Variants in WDFY3 observed in about 807,000 individuals in gnomAD.
WDFY3 encodes the protein WD repeat and FYVE domain containing 3.
Under a neutral mutation model 409.6 loss-of-function variants are expected in WDFY3, and 66 were observed. The observed-to-expected ratio is 0.16, with a 90% CI of 0.13 to 0.20. The LOEUF (loss-of-function observed/expected upper bound fraction) is 0.20. WDFY3 is among the 10% of genes least tolerant of loss of function. WDFY3 has a pLI of 1.00. For missense variants in WDFY3, 3,031 were observed against 4,298.1 expected, an observed-to-expected ratio of 0.71 and a Z score of 8.24; for synonymous variants, 1,521 against 1,537.1, an observed-to-expected ratio of 0.99 and a Z score of 0.25.
intron 1 of WDFY3, among the ~76,000 whole-genome samples, chr4:84,935,026 C>T (rs1413780802): frequency 1.3e-5 from 2 of 152,110 alleles, no homozygotes; most frequent in East Asian, 3.8e-4. Flanking sequence ...CTAAAACTCA[C>T]CCAACGTTGT....
chr4:84,785,898 T>C, intron 24 of WDFY3, 81 bp downstream of exon 24: 1 of 1,486,398 alleles, frequency 6.7e-7, no homozygotes, highest in Non-Finnish European at 9.2e-7. Context: ...TCACTCATAA[T>C]TGAGTAGTAT....
chr4:84,936,657 T>C (rs1291953034), intron 1 of WDFY3, among the ~76,000 whole-genome samples: 1 of 152,018 alleles, frequency 6.6e-6, no homozygotes, highest in Non-Finnish European at 1.5e-5. Context: ...AAATAAATTT[T>C]CAAAATTTTT....
intron 7 of WDFY3, among the ~76,000 whole-genome samples, chr4:84,834,885 T>C (rs762846187): frequency 6.6e-6 from 1 of 152,194 alleles, no homozygotes. Context: ...TTCGTGTCAA[T>C]TGGTTTCCTA....
Position 84,845,403 on chromosome 4 carries a change from T to C in WDFY3, c.305-4140A>G, listed in dbSNP as rs183251722. 1.9e-3 allele frequency among the ~76,000 whole-genome samples: 283 copies of C among 152,138 alleles called. 1 individual carries two copies. The highest frequency in any genetic ancestry group is 6.4e-3 in the African/African-American group (265 of 41,502). On this transcript the variant is annotated intron_variant, in intron 5 of 67. Transcript: ENST00000295888. ...ACAGAAGAAGAAAGCAGAATGGTGG[T>C]TGGTGGCCAGGGGCTGAGGAGAGGG...
intron 1 of WDFY3, among the ~76,000 whole-genome samples, chr4:84,945,482 A>T (rs1772702159): frequency 6.6e-6 from 1 of 152,240 alleles, no homozygotes; most frequent in Non-Finnish European, 1.5e-5. Flanking sequence ...CTGATCCAGG[A>T]ACTCACTTCA....
chr4:84,762,745 T>C (rs1186851919), intron 32 of WDFY3, among the ~76,000 whole-genome samples: 1 of 152,182 alleles, frequency 6.6e-6, no homozygotes, highest in Non-Finnish European at 1.5e-5. Flanking sequence ...TTCTGAAAGA[T>C]TGGCTTAATT....
intron 2 of WDFY3, among the ~76,000 whole-genome samples, chr4:84,904,809 C>T (rs1766810735): frequency 6.6e-6 from 1 of 152,180 alleles, no homozygotes; most frequent in Non-Finnish European, 1.5e-5. Context: ...TAATTGATTG[C>T]CACTTGACGT....
At chr4:84,722,924 C>T (rs1390114433) in intron 46 of WDFY3, among the ~76,000 whole-genome samples, 1 of 152,156 alleles carries the variant, frequency 6.6e-6, no homozygotes. Flanking sequence ...AGAGAACATC[C>T]ACAAGGGGTG....
At chr4:84,866,709 C>T (rs1429462100) in intron 3 of WDFY3, among the ~76,000 whole-genome samples, 1 of 152,194 alleles carries the variant, frequency 6.6e-6, no homozygotes, top group Non-Finnish European at 1.5e-5. Flanking sequence ...TTGCTTGGGC[C>T]CACTCCCACC....
chr4:84,689,669 T>C (rs965376045), intron 61 of WDFY3, among the ~76,000 whole-genome samples: 37 of 152,204 alleles, frequency 2.4e-4, no homozygotes, highest in Admixed American at 6.5e-5. Flanking sequence ...ATTTAAATTA[T>C]AGCTTTACTG....
At chr4:84,722,472 G>C (rs966357862) in intron 46 of WDFY3, among the ~76,000 whole-genome samples, 5 of 152,158 alleles carry the variant, frequency 3.3e-5, no homozygotes, top group African/African-American at 1.2e-4. Flanking sequence ...CATTTCACAA[G>C]TGGCAGTATG....
intron 60 of WDFY3, 123 bp downstream of exon 60, chr4:84,691,508 T>C (rs993648132): frequency 9.4e-7 from 1 of 1,068,132 alleles, no homozygotes; most frequent in Non-Finnish European, 1.3e-6. Flanking sequence ...CACTTTTCTT[T>C]TGGGCTTTGG....
chr4:84,708,305 C>A (rs1037673735), intron 53 of WDFY3, among the ~76,000 whole-genome samples: 1 of 152,164 alleles, frequency 6.6e-6, no homozygotes, highest in Non-Finnish European at 1.5e-5. Flanking sequence ...CTAACAAACA[C>A]TTCAAACTAC....
At chr4:84,760,403 G>T (rs1453818446) in intron 32 of WDFY3, among the ~76,000 whole-genome samples, 2 of 152,042 alleles carry the variant, frequency 1.3e-5, no homozygotes, top group African/African-American at 4.8e-5. Flanking sequence ...TTGTACCTCT[G>T]GTAGAATTCA....
chr4:84,766,315 C>T lies in WDFY3; in HGVS notation c.4907G>A (p.Arg1636Lys), dbSNP rs764360213. 2.4e-5 allele frequency: 38 copies of T among 1,602,542 alleles called. No individual in the cohort carries two copies. Among genetic ancestry groups the T allele is most frequent in the Non-Finnish European group, 3.1e-5 (37 of 1,176,264 alleles). The change falls in exon 31 of 68, where the codon AGA becomes AAA. Residue 1636 changes from arginine (R) to lysine (K), a missense_variant. Around this residue, in one of 16 missense-constraint regions of WDFY3, gnomAD observed 342 missense variants for 463.7 expected, o/e 0.74. Coordinates refer to ENST00000295888, the MANE Select transcript of WDFY3 (RefSeq NM_014991.6). ...VSANLILLRN[R>K]LLDILLKLIY... ...TAGTTTTAGCAAGATATCCAGAAGT[C>T]TGTTCCTCAAAAGTATAAGATTAGC...
intron 23 of WDFY3, among the ~76,000 whole-genome samples, chr4:84,787,041 A>C (rs1747679415): frequency 1.3e-5 from 2 of 152,216 alleles, no homozygotes; most frequent in African/African-American, 2.4e-5. Flanking sequence ...AGGATAACAA[A>C]AAGTAGGCTT....
At chr4:84,966,105 C>G (rs1204490998) in intron 1 of WDFY3, 104 bp downstream of exon 1, 1 of 151,772 alleles carries the variant, frequency 6.6e-6, no homozygotes, top group Non-Finnish European at 1.5e-5. Flanking sequence ...CGCGAGTGGG[C>G]AGCGCCTCCG....
intron 2 of WDFY3, among the ~76,000 whole-genome samples, chr4:84,930,739 A>G (rs1185196636): frequency 6.6e-6 from 1 of 152,242 alleles, no homozygotes; most frequent in Non-Finnish European, 1.5e-5. Flanking sequence ...GAAAGGATAT[A>G]CAAACTGTGG....
intron 8 of WDFY3, among the ~76,000 whole-genome samples, chr4:84,830,228 T>C (rs1190705205): frequency 6.6e-6 from 1 of 152,216 alleles, no homozygotes; most frequent in Non-Finnish European, 1.5e-5. Flanking sequence ...ACTTGATGAT[T>C]TGACTTAAGA....
Sources: gnomAD v4.1 joint callset for allele counts (sites outside exome capture counted in the v4.1 genomes callset) on GRCh38, gnomAD v4.1.1 for gene constraint, gnomAD v4.1.1 regional missense constraint, MANE v1.5 for transcripts, NCBI Gene and HGNC (gene_info 2026-07-23, HGNC 2026-07-21) for gene names.